Variants in TRPC5 observed in about 807,000 individuals in gnomAD.
The protein encoded by TRPC5 is transient receptor potential cation channel subfamily C member 5.
TRPC5 carries 9 observed loss-of-function variants against 56.5 expected under a neutral mutation model. The ratio of observed to expected loss-of-function variants is 0.16; its 90% CI spans 0.10 to 0.28. The LOEUF is 0.28. Ranked by LOEUF, TRPC5 falls within the 10% of genes least tolerant of loss-of-function variation. The probability of loss-of-function intolerance (pLI) is 1.00; values close to 1 mark genes in which losing one functional copy is unlikely to be tolerated. For missense variants in TRPC5, 469 were observed against 748.9 expected (o/e 0.63, Z 4.36); for synonymous variants, 282 against 278.5 (o/e 1.01, Z -0.13).
intron 7 of TRPC5, among the ~76,000 whole-genome samples, chrX:111,833,261 C>T (rs1426853464): frequency 1.8e-5 from 2 of 110,927 alleles, no homozygotes; most frequent in Non-Finnish European, 3.8e-5. Context: ...CTGTAGGCAC[C>T]CGGACACATA....
intron 1 of TRPC5, among the ~76,000 whole-genome samples, chrX:112,053,850 G>A (rs1411625296): frequency 1.2e-4 from 13 of 112,169 alleles, no homozygotes; most frequent in Non-Finnish European, 1.5e-4. Context: ...TTCCCATATA[G>A]GAGTGTGCTT....
At position 111,928,041 on chromosome X, in the gene TRPC5, C is replaced by T. The variant is rs749934779; in HGVS notation, c.379-15229G>A. Among the ~76,000 whole-genome samples the T allele has an allele frequency of 1.2e-3, 132 of 110,782 alleles. 1 individual carries two copies. Among genetic ancestry groups the T allele is most frequent in the Non-Finnish European group, 2.1e-3 (113 of 53,001 alleles). On this transcript the variant is annotated intron_variant, in intron 2 of 10. Coordinates refer to ENST00000262839, the MANE Select transcript of TRPC5 (RefSeq NM_012471.3). ...AAGCCATTGAGAAAACACGCCTGGGCCTGAATAACATCAAAATGCCTAAGT... is the reference window on the plus strand; with the variant it reads ...AAGCCATTGAGAAAACACGCCTGGGTCTGAATAACATCAAAATGCCTAAGT...
chrX:112,071,688 C>T (rs1308188737), intron 1 of TRPC5, among the ~76,000 whole-genome samples: 2 of 112,198 alleles, frequency 1.8e-5, no homozygotes, highest in East Asian at 5.6e-4. Context: ...TTTCATATAA[C>T]TTTTACATCA....
At chrX:111,914,703 C>G (rs180975625) in intron 2 of TRPC5, among the ~76,000 whole-genome samples, 27 of 112,431 alleles carry the variant, frequency 2.4e-4, no homozygotes, top group Non-Finnish European at 2.3e-4. Context: ...AAGTGAGCAA[C>G]TGGCTCATAA....
chrX:112,014,473 T>A (rs1929070455), intron 1 of TRPC5, among the ~76,000 whole-genome samples: 1 of 112,504 alleles, frequency 8.9e-6, no homozygotes, highest in African/African-American at 3.2e-5. Flanking sequence ...TTTGTTCGTT[T>A]ATTCCTTGAG....
chrX:111,878,174 C>G (rs1376114129), intron 3 of TRPC5, among the ~76,000 whole-genome samples: 2 of 110,530 alleles, frequency 1.8e-5, no homozygotes, highest in Non-Finnish European at 3.8e-5. Context: ...CTGTTCTCCC[C>G]CTTCTATAAT....
At chrX:111,921,781 A>G (rs762559296) in intron 2 of TRPC5, among the ~76,000 whole-genome samples, 1 of 111,874 alleles carries the variant, frequency 8.9e-6, no homozygotes, top group Non-Finnish European at 1.9e-5. Context: ...CATGGCCACT[A>G]AAGAAGTTAC....
At chrX:111,905,808 A>C (rs540614846) in intron 3 of TRPC5, among the ~76,000 whole-genome samples, 2 of 107,810 alleles carry the variant, frequency 1.9e-5, no homozygotes, top group Admixed American at 9.9e-5. Flanking sequence ...CCAGCTACTC[A>C]GGAGGCTGAG....
intron 3 of TRPC5, among the ~76,000 whole-genome samples, chrX:111,898,742 C>A (rs1925192089): frequency 9.1e-6 from 1 of 110,078 alleles, no homozygotes; most frequent in Non-Finnish European, 1.9e-5. Context: ...TAGATACCAT[C>A]ATGCAAAAAT....
At chrX:112,047,505 G>C (rs145185300) in intron 1 of TRPC5, among the ~76,000 whole-genome samples, 29 of 111,450 alleles carry the variant, frequency 2.6e-4, no homozygotes, top group African/African-American at 8.8e-4. Context: ...TTTATGCTGT[G>C]GTGTATAGTA....
intron 1 of TRPC5, among the ~76,000 whole-genome samples, chrX:112,045,238 CAG>C (rs1417898867): frequency 1.3e-4 from 15 of 111,730 alleles, no homozygotes; most frequent in Non-Finnish European, 2.6e-4. Context: ...TACCTTATAA[CAG>C]GGGGACAGAG....
chrX:111,985,214 C>A (rs1928182866), intron 1 of TRPC5, among the ~76,000 whole-genome samples: 1 of 112,261 alleles, frequency 8.9e-6, no homozygotes, highest in Non-Finnish European at 1.9e-5. Flanking sequence ...CTGGAAGCCA[C>A]TGTGATAATT....
At chrX:112,005,587 G>C (rs1928818851) in intron 1 of TRPC5, among the ~76,000 whole-genome samples, 3 of 110,682 alleles carry the variant, frequency 2.7e-5, no homozygotes, top group African/African-American at 9.9e-5. Flanking sequence ...TGACTCTAAA[G>C]TGCAGCCGGA....
chrX:111,842,144 A>AT (rs1298724333), intron 6 of TRPC5, among the ~76,000 whole-genome samples: 2 of 93,166 alleles, frequency 2.1e-5, no homozygotes, highest in South Asian at 4.5e-4. Context: ...ATATATATAT[A>AT]TATGTATATT....
intron 3 of TRPC5, among the ~76,000 whole-genome samples, chrX:111,889,041 A>G (rs1226474342): frequency 7.1e-5 from 8 of 112,326 alleles, no homozygotes; most frequent in Admixed American, 6.6e-4. Flanking sequence ...AATCAATGTA[A>G]TGAAAGTAGA....
rs1196462995 is a variant in TRPC5, at chrX:111,887,525, G to C, written c.900+24766C>G. 2.7e-5 allele frequency among the ~76,000 whole-genome samples: 3 copies of C among 111,903 alleles called. No homozygotes were observed. The East Asian group carries it at 8.5e-4, about 32-fold the overall frequency. ...TTGCAGTATAATATTGGAGGCTACA[G>C]AAAAAGGGTACAAAACTAGGTTTCT... On this transcript the variant is annotated intron_variant, in intron 3 of 10. Coordinates refer to ENST00000262839, the MANE Select transcript of TRPC5 (RefSeq NM_012471.3).
chrX:111,904,896 A>C (rs1925534006), intron 3 of TRPC5, among the ~76,000 whole-genome samples: 1 of 111,773 alleles, frequency 8.9e-6, no homozygotes, highest in African/African-American at 3.2e-5. Flanking sequence ...CTAAGAGATA[A>C]GAGCTTTCTT....
At chrX:111,945,396 C>T (rs1466260479) in intron 2 of TRPC5, among the ~76,000 whole-genome samples, 6 of 109,920 alleles carry the variant, frequency 5.5e-5, no homozygotes, top group Non-Finnish European at 1.1e-4. Context: ...CCTAAGTAAA[C>T]AGGCCACAGT....
In TRPC5 at chrX:112,034,446, G is replaced by T. The variant is rs898453265; in HGVS notation, c.-22+47433C>A. The stretch of plus-strand genomic sequence containing the variant: ...ATATTTTCTTTTTGGATACTTCATT[G>T]CCAATGTACAGAAACACAACTGATT... On this transcript the variant is annotated intron_variant, in intron 1 of 10. Coordinates refer to ENST00000262839, the MANE Select transcript of TRPC5 (RefSeq NM_012471.3). Among the ~76,000 whole-genome samples, 3 of 108,406 alleles carry T rather than the reference G, an allele frequency of 2.8e-5. No homozygotes were observed. The Admixed American group carries it at 3.0e-4, about 11-fold the overall frequency. 94.1% of individuals were successfully genotyped at this position (108,406 alleles called of 115,157 possible). A position where few individuals can be genotyped will look rare whatever the true frequency, so the allele number is the denominator to read the frequency against.
Sources: gnomAD v4.1 joint callset for allele counts (sites outside exome capture counted in the v4.1 genomes callset) on GRCh38, gnomAD v4.1.1 for gene constraint, MANE v1.5 for transcripts, NCBI Gene and HGNC (gene_info 2026-07-23, HGNC 2026-07-21) for gene names.